BPTF: variants seen among roughly 807,000 people sequenced by gnomAD.
BPTF encodes nucleosome-remodeling factor subunit BPTF.
Under a neutral mutation model 292.5 loss-of-function variants are expected in BPTF, and 18 were observed. The observed-to-expected ratio is 0.06, with a 90% CI of 0.04 to 0.09. The LOEUF (loss-of-function observed/expected upper bound fraction) is 0.09. Among genes scored for constraint, BPTF ranks in the 10% least tolerant of loss-of-function variants. BPTF has a pLI of 1.00. For missense variants in BPTF, 2,726 were observed against 3,498.7 expected, an observed-to-expected ratio of 0.78 and a Z score of 5.57; for synonymous variants, 1,225 against 1,251.9, an observed-to-expected ratio of 0.98 and a Z score of 0.45.
intron 18 of BPTF, among the ~76,000 whole-genome samples, chr17:67,935,070 A>G (rs1364074245): frequency 6.6e-6 from 1 of 152,154 alleles, no homozygotes; most frequent in African/African-American, 2.4e-5. Context: ...AGTGAATAAA[A>G]CAAACCAAAA....
intron 23 of BPTF, among the ~76,000 whole-genome samples, chr17:67,952,985 G>C (rs1555679119): frequency 6.6e-6 from 1 of 151,838 alleles, no homozygotes; most frequent in Non-Finnish European, 1.5e-5. Context: ...TTTCGAGATA[G>C]AGTCTTGCTC....
At chr17:67,837,789 A>C (rs1281495960) in intron 1 of BPTF, among the ~76,000 whole-genome samples, 1 of 152,206 alleles carries the variant, frequency 6.6e-6, no homozygotes, top group African/African-American at 2.4e-5. Context: ...GATACTGACT[A>C]GGCCCAGAGT....
intron 1 of BPTF, among the ~76,000 whole-genome samples, chr17:67,840,877 G>T (rs1427583395): frequency 6.6e-6 from 1 of 152,000 alleles, no homozygotes; most frequent in Admixed American, 6.6e-5. Context: ...TCTTATTATT[G>T]AGTAGTAAGA....
Position 67,913,174 on chromosome 17 carries a change from G to A in BPTF, c.5290G>A (p.Gly1764Ser). The A allele has an allele frequency of 6.2e-7, 1 of 1,600,408 alleles. No homozygotes were observed. Among genetic ancestry groups the A allele is most frequent in the Non-Finnish European group, 8.5e-7 (1 of 1,175,072 alleles). ...WPYPSPRPTFGITWRYRLQTV... is the reference protein window; with the variant it reads ...WPYPSPRPTFSITWRYRLQTV... ...ATATCCTTCTCCTAGACCGACCTTTGGCATCACTTGGAGGTATGTACTTTA... is the reference window on the plus strand; with the variant it reads ...ATATCCTTCTCCTAGACCGACCTTTAGCATCACTTGGAGGTATGTACTTTA... Residue 1764 changes from glycine (G) to serine (S), a missense_variant, in exon 11 of 28, where the codon GGC (glycine) becomes AGC (serine). Physicochemically the swap from Gly to Ser is moderately conservative, Grantham distance 56. This residue lies in a region of BPTF where 36 missense variants were observed against 34.7 expected (regional missense o/e 1.04). Coordinates refer to ENST00000306378, the MANE Select transcript of BPTF (RefSeq NM_182641.4).
At chr17:67,870,958 A>G (rs2059690964) in intron 3 of BPTF, among the ~76,000 whole-genome samples, 1 of 150,432 alleles carries the variant, frequency 6.6e-6, no homozygotes, top group African/African-American at 2.4e-5. Flanking sequence ...TTTAGTAGAG[A>G]CGGGGTTTCA....
chr17:67,851,367 C>T (rs1036132034), intron 1 of BPTF, among the ~76,000 whole-genome samples: 3 of 151,380 alleles, frequency 2.0e-5, no homozygotes, highest in Non-Finnish European at 2.9e-5. Flanking sequence ...AAGGGGCTCA[C>T]ACAACCTTTT....
intron 1 of BPTF, among the ~76,000 whole-genome samples, chr17:67,830,765 G>A (rs1487710846): frequency 6.6e-6 from 1 of 152,188 alleles, no homozygotes; most frequent in Non-Finnish European, 1.5e-5. Flanking sequence ...TGTATGCTGT[G>A]TTGGGCAGTA....
intron 24 of BPTF, among the ~76,000 whole-genome samples, chr17:67,961,310 T>C (rs1173993696): frequency 9.9e-5 from 15 of 152,256 alleles, no homozygotes; most frequent in African/African-American, 2.4e-4. Context: ...ATTAACACTT[T>C]AGTATACCAG....
rs141897566 is a variant in BPTF at position 67,910,964 on chromosome 17, A to C, written c.3080A>C (p.His1027Pro). 29 of 1,614,030 alleles carry C rather than the reference A, an allele frequency of 1.8e-5. No individual in the cohort carries two copies. The highest frequency in any genetic ancestry group is 2.5e-5 in the Non-Finnish European group (29 of 1,179,998). ...GACGATGACATGAAAACAGAGTCAC[A>C]TGTAAATTGTCAGGAGAGTTCTCAA... ...EVDDDMKTES[H>P]VNCQESSQVD... is the part of the protein sequence containing the mutation. The change falls in exon 11 of 28, where the codon CAT (histidine) becomes CCT (proline). Residue 1027 changes from histidine (H) to proline (P), a missense_variant. Physicochemically the swap from His to Pro is moderately conservative, Grantham distance 77 (BLOSUM62 -2). Transcript: ENST00000306378.
rs145442631 is a variant in BPTF, at chr17:67,892,622, CA to C, written c.2055+590del. On this transcript the variant is annotated intron_variant, in intron 5 of 27. Transcript: ENST00000306378. ...GAGAATTATTTGCAGGGTAGATATG[CA>C]AGAATAAAGGACATTCTTAACATTG... Among the ~76,000 whole-genome samples the C allele has an allele frequency of 7.9e-3, 1,202 of 152,234 alleles. 24 individuals are homozygous for C. Among genetic ancestry groups the C allele is most frequent in the African/African-American group, 0.028 (1,153 of 41,556 alleles).
intron 14 of BPTF, 130 bp downstream of exon 14, chr17:67,923,120 A>G (rs1432380941): frequency 3.0e-5 from 33 of 1,084,720 alleles, no homozygotes; most frequent in East Asian, 1.4e-4. Context: ...CAGTGGCACA[A>G]TCTTGGCTCA....
intron 4 of BPTF, among the ~76,000 whole-genome samples, chr17:67,883,001 TAAA>T (rs886889170): frequency 2.1e-5 from 2 of 94,654 alleles, no homozygotes; most frequent in Non-Finnish European, 2.2e-5. Flanking sequence ...AGACGTTGTC[TAAA>T]AAAAAAAAAA....
intron 26 of BPTF, among the ~76,000 whole-genome samples, chr17:67,969,010 AAAG>A (rs1377433241): frequency 6.6e-6 from 1 of 151,012 alleles, no homozygotes; most frequent in Non-Finnish European, 1.5e-5. Context: ...CAAAATAAAT[AAAG>A]AAGATAGGCC....
At chr17:67,920,766 A>T (rs2063378533) in intron 13 of BPTF, among the ~76,000 whole-genome samples, 1 of 152,220 alleles carries the variant, frequency 6.6e-6, no homozygotes, top group Admixed American at 6.5e-5. Flanking sequence ...TAATTTATAG[A>T]TAATTATGAA....
chr17:67,879,788 C>G (rs1214708661), intron 4 of BPTF, among the ~76,000 whole-genome samples: 2 of 152,072 alleles, frequency 1.3e-5, no homozygotes, highest in East Asian at 3.9e-4. Flanking sequence ...ATGACAGGCT[C>G]TTTTTCTAAC....
chr17:67,892,959 G>A (rs1411820883), intron 5 of BPTF, among the ~76,000 whole-genome samples: 5 of 152,160 alleles, frequency 3.3e-5, no homozygotes, highest in South Asian at 2.1e-4. Flanking sequence ...AAAAGGACCC[G>A]AAAGGATGTT....
rs2065278026 is a variant in BPTF, at chr17:67,940,497, C to G, written c.6318C>G (p.Val2106=). 1 of 1,614,010 alleles carries G rather than the reference C, an allele frequency of 6.2e-7. No individual in the cohort carries two copies. Among genetic ancestry groups the G allele is most frequent in the African/African-American group, 1.3e-5 (1 of 74,896 alleles). Residue 2106 remains valine, a synonymous_variant, in exon 19 of 28, where the codon GTC becomes GTG. Coordinates refer to ENST00000306378, the MANE Select transcript of BPTF (RefSeq NM_182641.4). The part of the protein sequence containing the change: ...IIRGQPVSTA[V]SAPNTVSSTP... ...GGGGGCAGCCTGTCTCCACTGCAGT[C>G]TCCGCCCCTAACACGGTTTCCTCAA...
chr17:67,827,253 A>G (rs2056161395), intron 1 of BPTF, among the ~76,000 whole-genome samples: 1 of 152,190 alleles, frequency 6.6e-6, no homozygotes, highest in Non-Finnish European at 1.5e-5. Flanking sequence ...ACACGGCATC[A>G]GTATCAGATT....
intron 27 of BPTF, among the ~76,000 whole-genome samples, chr17:67,980,624 C>T (rs1170130775): frequency 2.0e-5 from 3 of 152,146 alleles, no homozygotes; most frequent in Admixed American, 6.5e-5. Flanking sequence ...AGGATGACTG[C>T]TGGCAACTGC....
Sources: allele counts gnomAD v4.1 joint callset (sites outside exome capture counted in the v4.1 genomes callset), GRCh38; gene constraint gnomAD v4.1.1; regional missense constraint gnomAD v4.1.1; transcripts MANE v1.5; gene names NCBI Gene and HGNC (gene_info 2026-07-23, HGNC 2026-07-21).